Variants in ANKMY2 observed in about 807,000 individuals in gnomAD.
ANKMY2 encodes the protein ankyrin repeat and MYND domain containing 2, also known as ankyrin repeat and MYND domain-containing protein 2.
Under a neutral mutation model 50.4 loss-of-function variants are expected in ANKMY2, and 36 were observed. That is an observed-to-expected ratio of 0.71 (90% CI 0.55 to 0.94). The LOEUF (loss-of-function observed/expected upper bound fraction) is 0.94, where lower values mean the gene tolerates loss of function less well. Among genes scored for constraint, ANKMY2 ranks in the 40% least tolerant of loss-of-function variants. The probability of loss-of-function intolerance (pLI) is 0.00; values close to 1 mark genes in which losing one functional copy is unlikely to be tolerated. For missense variants in ANKMY2, 565 were observed against 524.0 expected (o/e 1.08, Z -0.76); for synonymous variants, 187 against 178.8 (o/e 1.05, Z -0.36).
chr7:16,615,713 T>G, intron 5 of ANKMY2, 31 bp downstream of exon 5: 2 of 1,613,396 alleles, frequency 1.2e-6, no homozygotes, highest in Non-Finnish European at 1.7e-6. Flanking sequence ...AATATTTACA[T>G]AAAAAGCAAA....
chr7:16,604,642 A>G, intron 8 of ANKMY2, 79 bp downstream of exon 8: 1 of 1,516,418 alleles, frequency 6.6e-7, no homozygotes, highest in South Asian at 1.3e-5. Context: ...GTCCACTCTT[A>G]CAGAATATTA....
At chr7:16,618,038 C>T (rs2128343558) in intron 4 of ANKMY2, among the ~76,000 whole-genome samples, 1 of 151,130 alleles carries the variant, frequency 6.6e-6, no homozygotes, top group African/African-American at 2.4e-5. Flanking sequence ...AGCAATTCTC[C>T]TGACTCAGCT....
chr7:16,627,194 G>T lies in ANKMY2; in HGVS notation c.133-16C>A. The T allele has an allele frequency of 6.5e-7, 1 of 1,537,588 alleles. No homozygotes were observed. The highest frequency in any genetic ancestry group is 8.8e-7 in the Non-Finnish European group (1 of 1,132,458). On this transcript the variant is annotated splice_polypyrimidine_tract_variant and intron_variant, in intron 2 of 9. Transcript: ENST00000306999. Reference sequence around the variant, plus strand: ...TCATTCCATTCTTTAATAGAAAGAGGAAAAAAGTATTAATTTTACTGTTTT... The same window carrying T: ...TCATTCCATTCTTTAATAGAAAGAGTAAAAAAGTATTAATTTTACTGTTTT...
At chr7:16,631,951 T>C (rs938665475) in intron 2 of ANKMY2, among the ~76,000 whole-genome samples, 2 of 152,050 alleles carry the variant, frequency 1.3e-5, no homozygotes, top group Non-Finnish European at 2.9e-5. Context: ...AATATATTCA[T>C]TTTAATTTTC....
chr7:16,620,019 A>G (rs547155118), intron 4 of ANKMY2, among the ~76,000 whole-genome samples: 1 of 152,386 alleles, frequency 6.6e-6, no homozygotes, highest in South Asian at 2.1e-4. Context: ...GAACTCTGAT[A>G]TGAGTCAGAA....
At position 16,627,383 on chromosome 7, in the gene ANKMY2, G is replaced by A. The variant is rs111517496; in HGVS notation, c.133-205C>T. Among the ~76,000 whole-genome samples, 1,456 of 152,076 alleles carry A rather than the reference G, an allele frequency of 9.6e-3. 23 individuals are homozygous for A. The highest frequency in any genetic ancestry group is 0.033 in the African/African-American group (1,354 of 41,496). On this transcript the variant is annotated intron_variant, in intron 2 of 9. Transcript: ENST00000306999. ...GTTTTATTACTGGAGATTTTTTTAC[G>A]GATTAGCAAACAGATTCAGAGAGGA...
intron 4 of ANKMY2, among the ~76,000 whole-genome samples, chr7:16,624,071 A>G (rs1236519702): frequency 1.3e-5 from 2 of 152,124 alleles, no homozygotes; most frequent in Admixed American, 1.3e-4. Context: ...ACCTTGGAGT[A>G]TGTGTTTTCG....
At chr7:16,602,298 G>A in intron 9 of ANKMY2, 82 bp downstream of exon 9, 5 of 1,504,046 alleles carry the variant, frequency 3.3e-6, no homozygotes, top group Non-Finnish European at 4.5e-6. Context: ...TTCCAGAGAA[G>A]ACGCAGTTTC....
intron 2 of ANKMY2, among the ~76,000 whole-genome samples, chr7:16,633,796 CT>C (rs1178628842): frequency 2.6e-5 from 4 of 152,024 alleles, no homozygotes; most frequent in South Asian, 2.1e-4. Flanking sequence ...TCCTATGTTA[CT>C]TTTTTTCTAT....
intron 7 of ANKMY2, among the ~76,000 whole-genome samples, chr7:16,606,367 T>A (rs922318716): frequency 6.6e-6 from 1 of 151,818 alleles, no homozygotes; most frequent in Non-Finnish European, 1.5e-5. Context: ...AGGCAGAGGT[T>A]GCAGTAAGCC....
chr7:16,615,884 T>C lies in ANKMY2; in HGVS notation c.391A>G (p.Ile131Val), dbSNP rs1302752300. 3.1e-6 allele frequency: 5 copies of C among 1,613,284 alleles called. No individual in the cohort carries two copies. Among genetic ancestry groups the C allele is most frequent in the East Asian group, 2.2e-5 (1 of 44,878 alleles). ...TCTCGAGGAAAGAAATTGTTGATTA[T>C]GGTCACACAATCATGTTGACCTTTT... ...AFVGQHDCVT[I>V]INNFFPRERL... The change falls in exon 5 of 10, where the codon ATA becomes GTA. Residue 131 changes from isoleucine (I) to valine (V), a missense_variant. Ile to Val is a conservative substitution (Grantham distance 29, BLOSUM62 3). Transcript: ENST00000306999.
chr7:16,641,336 A>G (rs1781742481), intron 1 of ANKMY2, among the ~76,000 whole-genome samples: 1 of 152,240 alleles, frequency 6.6e-6, no homozygotes, highest in Admixed American at 6.5e-5. Flanking sequence ...TCTCCTACTC[A>G]TATCTATTTT....
intron 2 of ANKMY2, among the ~76,000 whole-genome samples, chr7:16,629,747 C>T (rs1266364028): frequency 2.0e-5 from 3 of 152,086 alleles, no homozygotes; most frequent in African/African-American, 4.8e-5. Context: ...CATGTACTTT[C>T]CTATCTTAGT....
intron 4 of ANKMY2, among the ~76,000 whole-genome samples, chr7:16,620,889 A>G (rs116174191): frequency 0.036 from 5,419 of 152,296 alleles, 169 homozygotes; most frequent in African/African-American, 0.083. Flanking sequence ...TAGCTGTAAT[A>G]TCAGTAAAAG....
At chr7:16,601,177 G>A (rs571612432) in intron 9 of ANKMY2, among the ~76,000 whole-genome samples, 7 of 152,258 alleles carry the variant, frequency 4.6e-5, no homozygotes, top group African/African-American at 1.4e-4. Flanking sequence ...AACTCAGGCC[G>A]CTGGCTCCAA....
chr7:16,644,674 G>T (rs1781798621), intron 1 of ANKMY2: 1 of 470,978 alleles, frequency 2.1e-6, no homozygotes, highest in African/African-American at 2.0e-5. Flanking sequence ...ATGCAGTCAC[G>T]CTGATGTCAC....
At chr7:16,644,487 C>T (rs893626806) in intron 1 of ANKMY2, 1 of 328,216 alleles carries the variant, frequency 3.0e-6, no homozygotes, top group African/African-American at 2.3e-5. Context: ...TTCCACATTT[C>T]AGCCTGGCTA....
At chr7:16,625,184 G>T in intron 3 of ANKMY2, 103 bp from the exon 4 acceptor site, 1 of 797,454 alleles carries the variant, frequency 1.3e-6, no homozygotes, top group Non-Finnish European at 2.0e-6. Flanking sequence ...TTAGTTTTAG[G>T]TTTCTGTCAT....
rs1781217568 is a variant in ANKMY2 at position 16,609,768 on chromosome 7, G to T, written c.747-3C>A. ...CAGAAGCTCGGCCTTTTAACAAGCT[G>T]AAAGATATTTTTTAAAGCGTAATTG... On this transcript the variant is annotated splice_region_variant and splice_polypyrimidine_tract_variant and intron_variant, in intron 6 of 9. Transcript: ENST00000306999. 1 of 1,607,514 alleles carries T rather than the reference G, an allele frequency of 6.2e-7. No individual in the cohort carries two copies. Among genetic ancestry groups the T allele is most frequent in the African/African-American group, 1.3e-5 (1 of 74,502 alleles).
Sources: allele counts gnomAD v4.1 joint callset (sites outside exome capture counted in the v4.1 genomes callset), GRCh38; gene constraint gnomAD v4.1.1; transcripts MANE v1.5; gene names NCBI Gene and HGNC (gene_info 2026-07-23, HGNC 2026-07-21).